The following BIN3 variants were observed in gnomAD, a reference collection of about 807,000 sequenced individuals.
BIN3 encodes bridging integrator 3.
BIN3 carries 41 observed loss-of-function variants against 38.2 expected under a neutral mutation model. The ratio of observed to expected loss-of-function variants is 1.07; its 90% CI spans 0.84 to 1.39. BIN3 has a LOEUF of 1.39. BIN3 is among the 40% of genes most tolerant of loss of function. BIN3 has a pLI of 0.00. For synonymous variants in BIN3, 145 were observed against 122.6 expected (o/e 1.18, Z -1.21); for missense variants, 361 against 324.3 (o/e 1.11, Z -0.87).
chr8:22,658,300 G>C (rs576944209), intron 1 of BIN3, among the ~76,000 whole-genome samples: 1 of 152,276 alleles, frequency 6.6e-6, no homozygotes, highest in South Asian at 2.1e-4. Flanking sequence ...TGTACGGAGG[G>C]CAAAGGGGGG....
chr8:22,647,565 G>C (rs948710090), intron 1 of BIN3, among the ~76,000 whole-genome samples: 4 of 152,194 alleles, frequency 2.6e-5, no homozygotes, highest in Non-Finnish European at 4.4e-5. Flanking sequence ...AAAACACCTA[G>C]TCTCAAAGTC....
At chr8:22,643,094 T>A (rs1409125021) in intron 2 of BIN3, among the ~76,000 whole-genome samples, 1 of 152,208 alleles carries the variant, frequency 6.6e-6, no homozygotes, top group Admixed American at 6.5e-5. Flanking sequence ...GTAGTGAGCA[T>A]TCAGAATAAA....
intron 6 of BIN3, among the ~76,000 whole-genome samples, chr8:22,627,342 T>C (rs1045333553): frequency 1.5e-5 from 2 of 130,088 alleles, no homozygotes; most frequent in Non-Finnish European, 3.5e-5. Context: ...ACATCTGCCC[T>C]GGTCACTCAC....
At chr8:22,661,700 T>C (rs1389069063) in intron 1 of BIN3, among the ~76,000 whole-genome samples, 1 of 152,152 alleles carries the variant, frequency 6.6e-6, no homozygotes, top group African/African-American at 2.4e-5. Flanking sequence ...GAATGTATCA[T>C]TCTGAAGCTA....
At chr8:22,651,235 A>G (rs1025707260) in intron 1 of BIN3, among the ~76,000 whole-genome samples, 3 of 152,136 alleles carry the variant, frequency 2.0e-5, no homozygotes, top group African/African-American at 7.2e-5. Context: ...TTGCTTGTCT[A>G]CGTACTTATC....
At chr8:22,654,411 A>G (rs1412954731) in intron 1 of BIN3, among the ~76,000 whole-genome samples, 3 of 152,204 alleles carry the variant, frequency 2.0e-5, no homozygotes, top group Non-Finnish European at 4.4e-5. Context: ...TATTCCCAGA[A>G]TTGTGCAAAA....
At chr8:22,642,700 T>C (rs1802601932) in intron 2 of BIN3, among the ~76,000 whole-genome samples, 1 of 152,164 alleles carries the variant, frequency 6.6e-6, no homozygotes, top group East Asian at 1.9e-4. Context: ...ATCATCCTGA[T>C]TTTATAAACG....
chr8:22,645,845 G>A (rs572323931), intron 1 of BIN3, among the ~76,000 whole-genome samples: 3 of 152,226 alleles, frequency 2.0e-5, no homozygotes, highest in South Asian at 2.1e-4. Flanking sequence ...GTGATTGGCC[G>A]GGCTGGATTA....
At chr8:22,660,107 C>G (rs1803185524) in intron 1 of BIN3, among the ~76,000 whole-genome samples, 1 of 152,142 alleles carries the variant, frequency 6.6e-6, no homozygotes, top group Non-Finnish European at 1.5e-5. Flanking sequence ...CAACTTCCCC[C>G]CAAATAGTGA....
At chr8:22,629,925 C>T in intron 6 of BIN3, 39 bp downstream of exon 6, 1 of 1,567,290 alleles carries the variant, frequency 6.4e-7, no homozygotes, top group Non-Finnish European at 8.7e-7. Context: ...CCTGCCTCTC[C>T]CATAAGTGCC....
intron 2 of BIN3, among the ~76,000 whole-genome samples, chr8:22,638,657 G>C (rs1802446604): frequency 6.6e-6 from 1 of 152,204 alleles, no homozygotes; most frequent in South Asian, 2.1e-4. Context: ...CTCTGGGCAT[G>C]ACAACAGACT....
rs10429337 is a variant in BIN3, at chr8:22,644,072, G to C, written c.57+683C>G. ...CCAGTGTGGGGTTTTTATAACTTGA[G>C]GAAGTCATTGCAACTTTCCACGGGC... On this transcript the variant is annotated intron_variant, in intron 2 of 8. Transcript: ENST00000276416. Among the ~76,000 whole-genome samples the C allele has an allele frequency of 5.0e-3, 765 of 152,338 alleles. 9 individuals are homozygous for C. Among genetic ancestry groups the C allele is most frequent in the African/African-American group, 0.018 (731 of 41,580 alleles).
chr8:22,666,726 T>A (rs1803433580), intron 1 of BIN3, among the ~76,000 whole-genome samples: 2 of 152,174 alleles, frequency 1.3e-5, no homozygotes, highest in South Asian at 4.1e-4. Context: ...TTTCTCACTG[T>A]GACATTTTGA....
intron 4 of BIN3, among the ~76,000 whole-genome samples, chr8:22,632,531 C>T (rs893894736): frequency 1.5e-4 from 23 of 152,066 alleles, no homozygotes; most frequent in African/African-American, 5.3e-4. Flanking sequence ...ACAAACGTTA[C>T]GTATAACTTG....
chr8:22,648,938 T>TGTAA (rs1554571219), intron 1 of BIN3, among the ~76,000 whole-genome samples: 4 of 151,918 alleles, frequency 2.6e-5, no homozygotes, highest in Admixed American at 6.6e-5. Flanking sequence ...TATGTATGTA[T>TGTAA]GTAAGTGTGT....
At chr8:22,621,657 CT>C (rs1208074438) in intron 8 of BIN3, 89 bp from the exon 9 acceptor site, 36 of 1,339,944 alleles carry the variant, frequency 2.7e-5, no homozygotes, top group Non-Finnish European at 3.8e-5. Flanking sequence ...CTGCTACCCC[CT>C]GCCCTTACCC....
intron 2 of BIN3, 91 bp from the exon 3 acceptor site, chr8:22,637,053 C>T: frequency 8.6e-7 from 1 of 1,162,660 alleles, no homozygotes; most frequent in Non-Finnish European, 1.3e-6. Context: ...CACACCCTGC[C>T]CCAGTCCGCA....
At chr8:22,636,495 A>T (rs1802369884) in intron 4 of BIN3, 30 bp downstream of exon 4, 7 of 1,550,848 alleles carry the variant, frequency 4.5e-6, no homozygotes, top group Non-Finnish European at 6.1e-6. Context: ...CACCTGCTCA[A>T]GCGAGTGGTG....
intron 1 of BIN3, among the ~76,000 whole-genome samples, 182 bp downstream of exon 1, chr8:22,668,862 C>A (rs1482529088): frequency 6.6e-6 from 1 of 152,254 alleles, no homozygotes; most frequent in African/African-American, 2.4e-5. Flanking sequence ...GGGAGTCCTG[C>A]TGAGAGACTG....
Sources: allele counts gnomAD v4.1 joint callset (sites outside exome capture counted in the v4.1 genomes callset), GRCh38; gene constraint gnomAD v4.1.1; transcripts MANE v1.5; gene names NCBI Gene and HGNC (gene_info 2026-07-23, HGNC 2026-07-21).